PITPNC1: variants seen among roughly 807,000 people sequenced by gnomAD.
PITPNC1 encodes cytoplasmic phosphatidylinositol transfer protein 1.
PITPNC1 carries 18 observed loss-of-function variants against 44.7 expected under a neutral mutation model. The ratio of observed to expected loss-of-function variants is 0.40; its 90% CI spans 0.28 to 0.60. The LOEUF is 0.60. Ranked by LOEUF, PITPNC1 falls within the 20% of genes least tolerant of loss-of-function variation. PITPNC1 has a pLI of 0.39. For missense variants in PITPNC1, 290 were observed against 418.4 expected (o/e 0.69, Z 2.68); for synonymous variants, 141 against 149.6 (o/e 0.94, Z 0.42).
At chr17:67,417,345 G>T (rs2038604109) in intron 1 of PITPNC1, among the ~76,000 whole-genome samples, 1 of 151,376 alleles carries the variant, frequency 6.6e-6, no homozygotes, top group African/African-American at 2.4e-5. Context: ...GCCCAGGCTG[G>T]TCTCGAACTC....
intron 1 of PITPNC1, among the ~76,000 whole-genome samples, chr17:67,388,628 T>G (rs59761036): frequency 0.032 from 4,909 of 151,602 alleles, 261 homozygotes; most frequent in African/African-American, 0.11. Flanking sequence ...CCTCTTTTGT[T>G]TTTTACTCTG....
rs1229079682 is a variant in PITPNC1 at position 67,597,001 on chromosome 17, T to G, written c.366+18744T>G. Among the ~76,000 whole-genome samples the G allele has an allele frequency of 3.3e-5, 5 of 152,094 alleles. No individual in the cohort carries two copies. In the East Asian group the frequency reaches 5.8e-4, roughly 18 times the overall value. On this transcript the variant is annotated intron_variant, in intron 5 of 8. Transcript: ENST00000581322. The surrounding 1 kb of genome is among the most constrained non-coding windows in gnomAD (Gnocchi z 4.0). ...CTCCACCTCCTGGGCTCAAGTGATC[T>G]TCTCACCTCAGCCTCCCAAGTAACT...
intron 6 of PITPNC1, among the ~76,000 whole-genome samples, chr17:67,644,420 C>T (rs2042123715): frequency 6.9e-6 from 1 of 145,464 alleles, no homozygotes; most frequent in Non-Finnish European, 1.5e-5. Context: ...GAACTTCCCT[C>T]TGTAATTTTT....
At chr17:67,554,450 G>A (rs1240298288) in intron 4 of PITPNC1, among the ~76,000 whole-genome samples, 1 of 151,978 alleles carries the variant, frequency 6.6e-6, no homozygotes, top group Non-Finnish European at 1.5e-5. Context: ...TAGAGATGGG[G>A]TTTCACCATG....
chr17:67,395,420 A>T (rs2038204581), intron 1 of PITPNC1, among the ~76,000 whole-genome samples: 2 of 152,240 alleles, frequency 1.3e-5, no homozygotes, highest in African/African-American at 4.8e-5. Context: ...AAATGCTGGG[A>T]TTACAGGTGA....
chr17:67,544,145 C>T (rs2040645916), intron 2 of PITPNC1, among the ~76,000 whole-genome samples: 1 of 152,220 alleles, frequency 6.6e-6, no homozygotes, highest in South Asian at 2.1e-4. Flanking sequence ...GCCACCACAC[C>T]CGGCGTGTGC....
intron 2 of PITPNC1, among the ~76,000 whole-genome samples, chr17:67,547,399 G>A (rs533437023): frequency 3.9e-5 from 6 of 151,978 alleles, no homozygotes; most frequent in South Asian, 2.1e-4. Context: ...GCCTTTAGTC[G>A]CAACTACCAG....
chr17:67,610,247 G>T (rs1054396799), intron 5 of PITPNC1, among the ~76,000 whole-genome samples: 3 of 152,160 alleles, frequency 2.0e-5, no homozygotes, highest in African/African-American at 7.2e-5. Flanking sequence ...TTTCCCAGGT[G>T]TTGTGTGCGC....
intron 3 of PITPNC1, 149 bp downstream of exon 3, chr17:67,552,494 G>C: frequency 1.6e-6 from 1 of 611,586 alleles, no homozygotes; most frequent in Non-Finnish European, 2.9e-6. Flanking sequence ...CTTACTTGTA[G>C]GTTATCAACA....
At chr17:67,611,992 G>A (rs2041693466) in intron 5 of PITPNC1, 1 of 152,168 alleles carries the variant, frequency 6.6e-6, no homozygotes, top group Admixed American at 6.5e-5. Flanking sequence ...ATAGGGGTTG[G>A]GGCCTTGAGA....
intron 1 of PITPNC1, among the ~76,000 whole-genome samples, chr17:67,417,057 G>A (rs1354776805): frequency 6.6e-6 from 1 of 151,234 alleles, no homozygotes; most frequent in Non-Finnish European, 1.5e-5. Flanking sequence ...CAGGTGATCC[G>A]ACCGCCTCAG....
At chr17:67,421,285 T>C (rs1002004377) in intron 1 of PITPNC1, among the ~76,000 whole-genome samples, 2 of 152,110 alleles carry the variant, frequency 1.3e-5, no homozygotes, top group East Asian at 1.9e-4. Context: ...AACTTTTATT[T>C]ATTTATTTAT....
At chr17:67,491,347 G>T (rs968849632) in intron 1 of PITPNC1, among the ~76,000 whole-genome samples, 3 of 152,206 alleles carry the variant, frequency 2.0e-5, no homozygotes, top group African/African-American at 4.8e-5. Context: ...TCACAATGCC[G>T]GGCCGTTCAT....
At chr17:67,495,040 G>T (rs112426351) in intron 1 of PITPNC1, among the ~76,000 whole-genome samples, 1,315 of 64,676 alleles carry the variant, frequency 0.02, 58 homozygotes, top group African/African-American at 0.032. Context: ...CCATGGAGTT[G>T]TTTTTTTTTT....
intron 1 of PITPNC1, among the ~76,000 whole-genome samples, chr17:67,399,008 C>CTTTTTTTTT (rs34059580): frequency 3.4e-5 from 3 of 88,490 alleles, no homozygotes; most frequent in African/African-American, 5.0e-5. Flanking sequence ...AGAGGATCAG[C>CTTTTTTTTT]TTTTTTTTTT....
Position 67,500,853 on chromosome 17 carries a change from A to T in PITPNC1, c.49-31949A>T, listed in dbSNP as rs368865974. Among the ~76,000 whole-genome samples, 221 of 142,444 alleles carry T rather than the reference A, an allele frequency of 1.6e-3. 1 individual carries two copies. The highest frequency in any genetic ancestry group is 5.3e-3 in the African/African-American group (205 of 38,888). The allele number at this position is 142,444 out of a possible 152,430, so 93.4% of individuals were successfully genotyped here. A position where few individuals can be genotyped will look rare whatever the true frequency, so the allele number is the denominator to read the frequency against. ...CGCGCACACCACCACACTTGACAAA[A>T]TTTTTTTTTTTTTTAAGTGGAGACA... On this transcript the variant is annotated intron_variant, in intron 1 of 8. Coordinates refer to ENST00000581322, the MANE Select transcript of PITPNC1 (RefSeq NM_012417.4).
At chr17:67,577,190 G>C (rs2041161259) in intron 4 of PITPNC1, among the ~76,000 whole-genome samples, 1 of 152,176 alleles carries the variant, frequency 6.6e-6, no homozygotes, top group Non-Finnish European at 1.5e-5. Flanking sequence ...TACCTGGGAG[G>C]CTGAGGTGGG....
At chr17:67,664,967 G>C (rs993938458) in intron 6 of PITPNC1, among the ~76,000 whole-genome samples, 1 of 151,120 alleles carries the variant, frequency 6.6e-6, no homozygotes, top group African/African-American at 2.4e-5. Context: ...ATATTTCATT[G>C]TGTGGATATA....
At chr17:67,452,007 T>G (rs1400376874) in intron 1 of PITPNC1, among the ~76,000 whole-genome samples, 3 of 147,306 alleles carry the variant, frequency 2.0e-5, no homozygotes, top group Non-Finnish European at 4.5e-5. Flanking sequence ...AGTGGTTGGG[T>G]TTTTTTTTTG....
Sources: allele counts gnomAD v4.1 joint callset (sites outside exome capture counted in the v4.1 genomes callset), GRCh38; gene constraint gnomAD v4.1.1; non-coding constraint Gnocchi (gnomAD v3.1); transcripts MANE v1.5; gene names NCBI Gene and HGNC (gene_info 2026-07-23, HGNC 2026-07-21).